AK5: variants seen among roughly 807,000 people sequenced by gnomAD.
AK5 encodes the protein adenylate kinase 5.
In AK5, 27 loss-of-function variants were observed where a neutral mutation model predicts 69.5. The ratio of observed to expected loss-of-function variants is 0.39; its 90% CI spans 0.29 to 0.54. The LOEUF is 0.54. Ranked by LOEUF, AK5 falls within the 20% of genes least tolerant of loss-of-function variation. The pLI is 0.71. For missense variants in AK5, 531 were observed against 700.4 expected (o/e 0.76, Z 2.73); for synonymous variants, 260 against 244.4 (o/e 1.06, Z -0.60).
At chr1:77,538,784 A>G (rs1254589464) in intron 13 of AK5, among the ~76,000 whole-genome samples, 2 of 152,198 alleles carry the variant, frequency 1.3e-5, no homozygotes, top group African/African-American at 4.8e-5. Context: ...TCTCTGTTGT[A>G]TTATTCCAAC....
rs184441885 is a variant in AK5 at position 77,297,384 on chromosome 1, A to G, written c.416-175A>G. 4.1e-3 allele frequency among the ~76,000 whole-genome samples: 619 copies of G among 152,246 alleles called. 1 individual carries two copies. The highest frequency in any genetic ancestry group is 0.013 in the Admixed American group (192 of 15,290). ...GTTGGTCAAGACAATTCTTTCCTTG[A>G]CAAAGTCTCTACTTGCTTTACATTC... On this transcript the variant is annotated intron_variant, in intron 3 of 13. Coordinates refer to ENST00000354567, the MANE Select transcript of AK5 (RefSeq NM_174858.3).
intron 5 of AK5, among the ~76,000 whole-genome samples, chr1:77,321,985 G>A (rs1660559107): frequency 6.6e-6 from 1 of 152,122 alleles, no homozygotes; most frequent in African/African-American, 2.4e-5. Flanking sequence ...CTATATATTA[G>A]CAGCAAATTT....
intron 12 of AK5, among the ~76,000 whole-genome samples, chr1:77,532,560 T>A (rs1250273470): frequency 1.3e-5 from 2 of 152,182 alleles, no homozygotes; most frequent in African/African-American, 4.8e-5. Flanking sequence ...TCTGAGGGCC[T>A]CCATTTCCTC....
At chr1:77,440,424 G>T (rs1415876715) in intron 8 of AK5, among the ~76,000 whole-genome samples, 1 of 152,026 alleles carries the variant, frequency 6.6e-6, no homozygotes, top group Non-Finnish European at 1.5e-5. Flanking sequence ...TTTGATTTTT[G>T]ATAATTTGAC....
chr1:77,480,780 G>C (rs1234836370), intron 8 of AK5, among the ~76,000 whole-genome samples: 1 of 152,168 alleles, frequency 6.6e-6, no homozygotes, highest in African/African-American at 2.4e-5. Context: ...GCTTCAAATA[G>C]GTCCCTGTCT....
At chr1:77,383,012 C>T (rs185063611) in intron 6 of AK5, among the ~76,000 whole-genome samples, 1 of 152,150 alleles carries the variant, frequency 6.6e-6, no homozygotes, top group Admixed American at 6.5e-5. Context: ...ATTTGTTATA[C>T]CTAAATAAAG....
intron 8 of AK5, among the ~76,000 whole-genome samples, chr1:77,440,935 G>C (rs1475916093): frequency 2.0e-5 from 3 of 152,126 alleles, no homozygotes; most frequent in Non-Finnish European, 4.4e-5. Context: ...TTTTAGTAGA[G>C]ACGGGGTTTC....
chr1:77,475,403 A>C (rs1323108505), intron 8 of AK5, among the ~76,000 whole-genome samples: 1 of 7,740 alleles, frequency 1.3e-4, no homozygotes, highest in Non-Finnish European at 3.6e-4. Flanking sequence ...TATATAATAT[A>C]TATGTATATA....
chr1:77,408,323 T>C (rs935593408), intron 6 of AK5, among the ~76,000 whole-genome samples: 7 of 152,294 alleles, frequency 4.6e-5, no homozygotes, highest in African/African-American at 1.4e-4. Context: ...AATAATAGCC[T>C]TCTGACTGGT....
intron 10 of AK5, among the ~76,000 whole-genome samples, chr1:77,490,170 G>A (rs1245809804): frequency 6.6e-6 from 1 of 152,206 alleles, no homozygotes; most frequent in Non-Finnish European, 1.5e-5. Flanking sequence ...GAACTGACAA[G>A]CAGCTTGTTG....
chr1:77,530,402 G>C (rs1407272401), intron 12 of AK5, among the ~76,000 whole-genome samples: 2 of 152,216 alleles, frequency 1.3e-5, no homozygotes, highest in African/African-American at 4.8e-5. Context: ...CTCAAGGTGA[G>C]AGCAAATGAG....
intron 6 of AK5, among the ~76,000 whole-genome samples, chr1:77,370,135 A>G (rs955681416): frequency 3.3e-5 from 5 of 152,172 alleles, no homozygotes; most frequent in African/African-American, 1.2e-4. Flanking sequence ...GCCTGGGAGT[A>G]GAGACTAGAC....
chr1:77,428,971 A>G (rs1227870778), intron 8 of AK5, among the ~76,000 whole-genome samples: 1 of 152,172 alleles, frequency 6.6e-6, no homozygotes, highest in Non-Finnish European at 1.5e-5. Context: ...CACGGTGTAT[A>G]TGTGCCTTTT....
chr1:77,412,605 T>TAA (rs1352496325), intron 7 of AK5, among the ~76,000 whole-genome samples: 4 of 152,142 alleles, frequency 2.6e-5, no homozygotes, highest in Non-Finnish European at 2.9e-5. Context: ...CTGTCGCTGT[T>TAA]AAGGAACAAT....
intron 5 of AK5, among the ~76,000 whole-genome samples, chr1:77,330,416 A>G (rs1006717315): frequency 1.3e-5 from 2 of 152,160 alleles, no homozygotes; most frequent in East Asian, 1.9e-4. Flanking sequence ...AATTGTTTGC[A>G]TATCATATAA....
At chr1:77,391,495 G>GTGTGTGTATATATATA (rs1425180466) in intron 6 of AK5, among the ~76,000 whole-genome samples, 6 of 63,406 alleles carry the variant, frequency 9.5e-5, no homozygotes, top group Admixed American at 5.5e-4. Context: ...GTGTGTGTGT[G>GTGTGTGTATATATATA]TATATATATA....
intron 1 of AK5, chr1:77,283,419 G>C: frequency 2.0e-6 from 2 of 984,298 alleles, no homozygotes; most frequent in Non-Finnish European, 2.4e-6. Context: ...GTAAACTAAA[G>C]GTCATGAGGG....
At chr1:77,494,211 C>T (rs1656165566) in intron 10 of AK5, among the ~76,000 whole-genome samples, 1 of 152,242 alleles carries the variant, frequency 6.6e-6, no homozygotes, top group East Asian at 1.9e-4. Context: ...AATTCACCAG[C>T]TGAGTCACCT....
intron 12 of AK5, among the ~76,000 whole-genome samples, chr1:77,533,523 A>AAAAAAAAAC: frequency 6.7e-6 from 1 of 150,060 alleles, no homozygotes. Context: ...AAAAAAAAAA[A>AAAAAAAAAC]AAAAAAAAAA....
Sources: allele counts gnomAD v4.1 joint callset (sites outside exome capture counted in the v4.1 genomes callset), GRCh38; gene constraint gnomAD v4.1.1; transcripts MANE v1.5; gene names NCBI Gene and HGNC (gene_info 2026-07-23, HGNC 2026-07-21).